The following KIF1B variants were observed in gnomAD, a reference collection of about 807,000 sequenced individuals.
KIF1B encodes kinesin-like protein KIF1B.
In KIF1B, 76 loss-of-function variants were observed where a neutral mutation model predicts 241.9. The ratio of observed to expected loss-of-function variants is 0.31; its 90% CI spans 0.26 to 0.38. KIF1B has a LOEUF of 0.38. Among genes scored for constraint, KIF1B ranks in the 10% least tolerant of loss-of-function variants. KIF1B has a pLI of 1.00. For synonymous variants in KIF1B, 750 were observed against 796.7 expected (o/e 0.94, Z 0.99); for missense variants, 1,622 against 2,271.4 (o/e 0.71, Z 5.81).
At chr1:10,321,561 G>T (rs1651525198) in intron 23 of KIF1B, 148 bp from the exon 24 acceptor site, 3 of 765,588 alleles carry the variant, frequency 3.9e-6, no homozygotes, top group Admixed American at 2.4e-5. Flanking sequence ...ACAGAATTTG[G>T]TAAGCTTTAC....
At position 10,279,955 on chromosome 1, in the gene KIF1B, G is replaced by A. The variant is rs767534134; in HGVS notation, c.1222+817G>A. On this transcript the variant is annotated intron_variant, in intron 14 of 48. Transcript: ENST00000676179. The stretch of plus-strand genomic sequence containing the variant: ...TGACCTCAAGCAGTCCTCCTGCCTC[G>A]GCCTTCCAAAGTGCTAGGATTATAG... 1.2e-3 allele frequency among the ~76,000 whole-genome samples: 176 copies of A among 151,752 alleles called. 1 individual carries two copies. The highest frequency in any genetic ancestry group is 1.2e-3 in the Non-Finnish European group (84 of 67,936).
chr1:10,273,564 A>G (rs1314129749), intron 10 of KIF1B, among the ~76,000 whole-genome samples: 1 of 151,974 alleles, frequency 6.6e-6, no homozygotes, highest in Non-Finnish European at 1.5e-5. Context: ...TGCAATCTAA[A>G]ATTGAACCTG....
chr1:10,325,334 G>A (rs1352396059), intron 26 of KIF1B, among the ~76,000 whole-genome samples: 1 of 152,004 alleles, frequency 6.6e-6, no homozygotes, highest in African/African-American at 2.4e-5. Context: ...TTGCACCTTG[G>A]TAGTCCCCTT....
intron 22 of KIF1B, among the ~76,000 whole-genome samples, chr1:10,299,511 G>A (rs543926231): frequency 6.6e-6 from 1 of 152,208 alleles, no homozygotes; most frequent in South Asian, 2.1e-4. Context: ...ACCCTGTATT[G>A]GTCAATTAAC....
At chr1:10,293,086 C>CTTTT (rs33954582) in intron 17 of KIF1B, among the ~76,000 whole-genome samples, 5 of 144,982 alleles carry the variant, frequency 3.4e-5, no homozygotes, top group African/African-American at 5.0e-5. Context: ...GGCCACATAA[C>CTTTT]TTTTTTTTTT....
At chr1:10,268,071 C>T in intron 6 of KIF1B, 81 bp from the exon 7 acceptor site, 1 of 868,010 alleles carries the variant, frequency 1.2e-6, no homozygotes. Context: ...GATTGTTATG[C>T]TTATAATGTG....
At chr1:10,211,086 C>T (rs956879240) in intron 1 of KIF1B, among the ~76,000 whole-genome samples, 1 of 152,038 alleles carries the variant, frequency 6.6e-6, no homozygotes. Flanking sequence ...GTCCAGCGGT[C>T]GGCTGGGGCC....
At chr1:10,279,475 A>G (rs1649293098) in intron 14 of KIF1B, among the ~76,000 whole-genome samples, 1 of 152,172 alleles carries the variant, frequency 6.6e-6, no homozygotes, top group Non-Finnish European at 1.5e-5. Flanking sequence ...GCCAGGCCCT[A>G]TTCTAGGCAC....
At position 10,256,369 on chromosome 1, in the gene KIF1B, C is replaced by T. The variant is rs748710879; in HGVS notation, c.183+46C>T. On this transcript the variant is annotated intron_variant, in intron 3 of 48. Transcript: ENST00000676179. Reference sequence around the variant, plus strand: ...GCACTGCCAGCTCCTGCCTCCTTTCCTCTTTCCTTGCCGATTTGTCTTTTC... The same window carrying T: ...GCACTGCCAGCTCCTGCCTCCTTTCTTCTTTCCTTGCCGATTTGTCTTTTC... 3.1e-6 allele frequency: 4 copies of T among 1,308,978 alleles called. No homozygotes were observed. The South Asian group carries it at 3.5e-5, about 12-fold the overall frequency. The allele number at this position is 1,308,978 out of a possible 1,614,324, so 81.1% of individuals were successfully genotyped here. A position where few individuals can be genotyped will look rare whatever the true frequency, so the allele number is the denominator to read the frequency against.
chr1:10,252,526 C>A (rs1647518463), intron 2 of KIF1B, among the ~76,000 whole-genome samples: 2 of 151,876 alleles, frequency 1.3e-5, no homozygotes, highest in South Asian at 4.2e-4. Context: ...ATCTTCCTAC[C>A]TAAGCCCCCT....
chr1:10,301,079 A>G (rs924630052), intron 22 of KIF1B, among the ~76,000 whole-genome samples: 1 of 152,192 alleles, frequency 6.6e-6, no homozygotes, highest in African/African-American at 2.4e-5. Context: ...GTGTGCCTGT[A>G]GTCCCGGCTA....
intron 23 of KIF1B, among the ~76,000 whole-genome samples, chr1:10,320,458 T>A (rs1469121139): frequency 6.6e-6 from 1 of 152,166 alleles, no homozygotes. Flanking sequence ...CCATTACAAA[T>A]ATAGAGCTGA....
At chr1:10,346,358 G>GT (rs932667796) in intron 35 of KIF1B, among the ~76,000 whole-genome samples, 11 of 140,560 alleles carry the variant, frequency 7.8e-5, no homozygotes, top group Admixed American at 1.5e-4. Flanking sequence ...GTTTTTTGGG[G>GT]TTTTTTTTGT....
intron 18 of KIF1B, 95 bp downstream of exon 18, chr1:10,295,260 G>T: frequency 1.2e-6 from 1 of 812,538 alleles, no homozygotes; most frequent in Non-Finnish European, 2.1e-6. Context: ...TTAACGTAAT[G>T]ATTTGCTGTA....
At chr1:10,294,217 GT>G (rs1049719721) in intron 17 of KIF1B, among the ~76,000 whole-genome samples, 2 of 152,118 alleles carry the variant, frequency 1.3e-5, no homozygotes, top group African/African-American at 2.4e-5. Context: ...AAGAAGGTTG[GT>G]TTTTTAAAAA....
At chr1:10,286,292 G>A (rs1569710967) in intron 15 of KIF1B, among the ~76,000 whole-genome samples, 1 of 152,028 alleles carries the variant, frequency 6.6e-6, no homozygotes, top group Non-Finnish European at 1.5e-5. Context: ...TGCCTGCCTC[G>A]GCCTCCCAAA....
At chr1:10,271,349 T>A (rs1648788780) in intron 7 of KIF1B, among the ~76,000 whole-genome samples, 153 bp from the exon 8 acceptor site, 1 of 152,210 alleles carries the variant, frequency 6.6e-6, no homozygotes. Flanking sequence ...AACTGATAGA[T>A]GTTGTCTTGA....
At chr1:10,333,591 C>G (rs183485127) in intron 27 of KIF1B, among the ~76,000 whole-genome samples, 63 of 152,014 alleles carry the variant, frequency 4.1e-4, no homozygotes, top group Non-Finnish European at 7.6e-4. Flanking sequence ...ACTCGGGAGG[C>G]TGAGGCAGGA....
At chr1:10,318,060 C>G (rs2102291557) in intron 22 of KIF1B, among the ~76,000 whole-genome samples, 1 of 151,224 alleles carries the variant, frequency 6.6e-6, no homozygotes, top group African/African-American at 2.5e-5. Flanking sequence ...AAACCCAAGC[C>G]TCTTACCAGT....
Sources: gnomAD v4.1 joint callset for allele counts (sites outside exome capture counted in the v4.1 genomes callset) on GRCh38, gnomAD v4.1.1 for gene constraint, MANE v1.5 for transcripts, NCBI Gene and HGNC (gene_info 2026-07-23, HGNC 2026-07-21) for gene names.